Variants in TLK2 observed in about 807,000 individuals in gnomAD.
The protein encoded by TLK2 is serine/threonine-protein kinase tousled-like 2.
In TLK2, 6 loss-of-function variants were observed where a neutral mutation model predicts 117.3. That is an observed-to-expected ratio of 0.05 (90% CI 0.03 to 0.10). The LOEUF is 0.10. Ranked by LOEUF, TLK2 falls within the 10% of genes least tolerant of loss-of-function variation. TLK2 has a pLI of 1.00. For missense variants in TLK2, 299 were observed against 901.2 expected, an observed-to-expected ratio of 0.33 and a Z score of 8.56; for synonymous variants, 257 against 316.7, an observed-to-expected ratio of 0.81 and a Z score of 2.00.
chr17:62,484,201 C>T (rs535336529), intron 2 of TLK2, among the ~76,000 whole-genome samples: 2 of 151,756 alleles, frequency 1.3e-5, no homozygotes, highest in Non-Finnish European at 2.9e-5. Context: ...TGAGGACTAG[C>T]AGGAGAGTAT....
At chr17:62,612,122 A>T in intron 21 of TLK2, 1 of 298,124 alleles carries the variant, frequency 3.4e-6, no homozygotes. Flanking sequence ...AGGAGTATTT[A>T]GAGGTCATGC....
intron 19 of TLK2, among the ~76,000 whole-genome samples, chr17:62,604,834 C>CAG (rs939184958): frequency 2.6e-5 from 4 of 151,482 alleles, no homozygotes; most frequent in Non-Finnish European, 5.9e-5. Flanking sequence ...CACACTACTA[C>CAG]ACTCCAGCCT....
rs2083896320 is a variant in TLK2, at chr17:62,612,756, T to A, written c.*191T>A. 3 of 464,868 alleles carry A rather than the reference T, an allele frequency of 6.5e-6. No individual in the cohort carries two copies. Among genetic ancestry groups the A allele is most frequent in the Non-Finnish European group, 1.1e-5 (3 of 273,704 alleles). The allele number at this position is 464,868 out of a possible 1,614,324, so 28.8% of individuals were successfully genotyped here. On this transcript the variant is annotated 3_prime_UTR_variant, in exon 22 of 22. Coordinates refer to ENST00000346027, the MANE Select transcript of TLK2 (RefSeq NM_006852.6). ...TCATTGAGGAGAAACCTTGGGCAGC[T>A]CCGGCCAGGCCTTGTAGGAAAAGGC...
intron 7 of TLK2, among the ~76,000 whole-genome samples, chr17:62,541,013 A>G (rs2077490085): frequency 6.6e-6 from 1 of 151,884 alleles, no homozygotes; most frequent in Non-Finnish European, 1.5e-5. Context: ...TGATGCTCTC[A>G]CCTCGGGGCC....
At chr17:62,542,396 T>G (rs569545038) in intron 7 of TLK2, among the ~76,000 whole-genome samples, 1 of 152,216 alleles carries the variant, frequency 6.6e-6, no homozygotes, top group Non-Finnish European at 1.5e-5. Flanking sequence ...CTTGAGCCAC[T>G]GTACCTGGCC....
intron 2 of TLK2, among the ~76,000 whole-genome samples, chr17:62,495,656 T>TATAC (rs2073581471): frequency 6.9e-6 from 1 of 144,682 alleles, no homozygotes; most frequent in Admixed American, 7.0e-5. Flanking sequence ...TTAAAAATTA[T>TATAC]ATATATATAT....
chr17:62,541,546 A>G (rs1338664227), intron 7 of TLK2, among the ~76,000 whole-genome samples: 2 of 152,260 alleles, frequency 1.3e-5, no homozygotes, highest in Admixed American at 6.5e-5. Flanking sequence ...CAGAATATTA[A>G]GAATTTGATC....
At chr17:62,525,287 T>C (rs1598382605) in intron 6 of TLK2, among the ~76,000 whole-genome samples, 3 of 152,278 alleles carry the variant, frequency 2.0e-5, no homozygotes, top group African/African-American at 4.8e-5. Context: ...GCTTCTGTAT[T>C]GTTAAAGTAT....
intron 11 of TLK2, among the ~76,000 whole-genome samples, chr17:62,569,070 C>T (rs145789175): frequency 1.4e-3 from 216 of 151,600 alleles, no homozygotes; most frequent in African/African-American, 4.9e-3. Context: ...TTTGGGAGGT[C>T]GAGGTGGGTG....
intron 2 of TLK2, among the ~76,000 whole-genome samples, chr17:62,513,934 G>A (rs956062610): frequency 2.0e-5 from 3 of 151,626 alleles, no homozygotes; most frequent in Non-Finnish European, 2.9e-5. Context: ...TGATCCACCC[G>A]CCTCAGTCAC....
intron 17 of TLK2, among the ~76,000 whole-genome samples, chr17:62,598,721 C>G (rs2082661407): frequency 6.6e-6 from 1 of 151,912 alleles, no homozygotes; most frequent in Non-Finnish European, 1.5e-5. Context: ...GACAGGGTTT[C>G]ACCGTGCTGG....
chr17:62,573,401 C>T (rs1253533091), intron 12 of TLK2, 34 bp downstream of exon 12: 1 of 1,601,004 alleles, frequency 6.2e-7, no homozygotes, highest in South Asian at 1.1e-5. Flanking sequence ...GCTGAGACAC[C>T]ACACCCTGCC....
intron 17 of TLK2, among the ~76,000 whole-genome samples, chr17:62,597,998 C>A (rs2082603340): frequency 6.6e-6 from 1 of 152,190 alleles, no homozygotes; most frequent in African/African-American, 2.4e-5. Context: ...TATGGCTGTG[C>A]AGACAGCTGC....
chr17:62,549,480 A>T (rs1209876437), intron 7 of TLK2, among the ~76,000 whole-genome samples: 1 of 149,128 alleles, frequency 6.7e-6, no homozygotes, highest in Admixed American at 6.7e-5. Context: ...AAGCAATCAA[A>T]TGATAACTGA....
rs562194620 is a variant in TLK2, at chr17:62,523,246, A to T, written c.267+69A>T. 3.7e-4 allele frequency: 577 copies of T among 1,549,704 alleles called. 5 individuals are homozygous for T. The African/African-American group carries it at 6.1e-3, about 16-fold the overall frequency. ...AAAAAACTCTATAGTGATTTTTTTTAAAAAACCCTAAATCCTTGTGTTCAT... is the reference window on the plus strand; with the variant it reads ...AAAAAACTCTATAGTGATTTTTTTTTAAAAACCCTAAATCCTTGTGTTCAT... On this transcript the variant is annotated intron_variant, in intron 5 of 21. Transcript: ENST00000346027.
intron 7 of TLK2, among the ~76,000 whole-genome samples, chr17:62,548,364 C>T (rs2078124044): frequency 6.6e-6 from 1 of 151,632 alleles, no homozygotes; most frequent in Non-Finnish European, 1.5e-5. Context: ...TCACTGCATC[C>T]TCTGCCTCCC....
intron 2 of TLK2, among the ~76,000 whole-genome samples, chr17:62,494,960 G>GT (rs767481337): frequency 2.6e-5 from 4 of 152,082 alleles, no homozygotes; most frequent in Non-Finnish European, 5.9e-5. Context: ...GAGGTGAGGA[G>GT]TTTAAGACCA....
intron 2 of TLK2, among the ~76,000 whole-genome samples, chr17:62,502,824 G>T (rs1251807181): frequency 1.3e-5 from 2 of 152,108 alleles, no homozygotes; most frequent in East Asian, 3.8e-4. Flanking sequence ...AAGAACAGAA[G>T]AAATTATTTT....
At chr17:62,478,342 C>G (rs1258155106), upstream of TLK2, among the ~76,000 whole-genome samples, 1 of 148,858 alleles carries the variant, frequency 6.7e-6, no homozygotes, top group African/African-American at 2.5e-5. Flanking sequence ...GTTGGGCGGG[C>G]GCGGGGGCCG....
Sources: gnomAD v4.1 joint callset for allele counts (sites outside exome capture counted in the v4.1 genomes callset) on GRCh38, gnomAD v4.1.1 for gene constraint, MANE v1.5 for transcripts, NCBI Gene and HGNC (gene_info 2026-07-23, HGNC 2026-07-21) for gene names.